The following BEND3 variants were observed in gnomAD, a reference collection of about 807,000 sequenced individuals.
The protein encoded by BEND3 is BEN domain containing 3, also known as BEN domain-containing protein 3.
Under a neutral mutation model 60.1 loss-of-function variants are expected in BEND3, and 13 were observed. The observed-to-expected ratio is 0.22, with a 90% CI of 0.14 to 0.34. The LOEUF is 0.34. Ranked by LOEUF, BEND3 falls within the 10% of genes least tolerant of loss-of-function variation. The pLI is 1.00. For synonymous variants in BEND3, 497 were observed against 491.5 expected (o/e 1.01, Z -0.15); for missense variants, 896 against 1,138.1 (o/e 0.79, Z 3.06).
intron 3 of BEND3, among the ~76,000 whole-genome samples, chr6:107,081,284 G>A (rs938300007): frequency 5.4e-5 from 8 of 149,046 alleles, no homozygotes; most frequent in African/African-American, 1.7e-4. Flanking sequence ...GCAGTGGCGC[G>A]ATCTCAGCTC....
intron 3 of BEND3, 144 bp downstream of exon 3, chr6:107,098,407 G>T: frequency 1.3e-6 from 1 of 788,222 alleles, no homozygotes; most frequent in Non-Finnish European, 2.0e-6. Context: ...AGAAACTGAA[G>T]CCAGAGATGG....
At position 107,069,625 on chromosome 6, in the gene BEND3, C is replaced by T. The variant is rs782030356; in HGVS notation, c.1566G>A (p.Pro522=). 19 of 1,611,084 alleles carry T rather than the reference C, an allele frequency of 1.2e-5. No individual in the cohort carries two copies. The highest frequency in any genetic ancestry group is 1.4e-5 in the Non-Finnish European group (17 of 1,180,008). ...KVEDSFEGER[P]GRRSKKIWLV... Reference sequence around the variant, plus strand: ...GCCAGATCTTCTTGGAGCGGCGACCCGGCCGCTCGCCCTCGAAGCTGTCCT... The same window carrying T: ...GCCAGATCTTCTTGGAGCGGCGACCTGGCCGCTCGCCCTCGAAGCTGTCCT... The change falls in exon 4 of 4, where the codon CCG becomes CCA. Residue 522 remains proline (P), a synonymous_variant. Coordinates refer to ENST00000369042, the MANE Select transcript of BEND3 (RefSeq NM_001367314.1).
Position 107,070,659 on chromosome 6 carries a change from C to T in BEND3, c.532G>A (p.Asp178Asn), listed in dbSNP as rs1380762773. ...LRLLNEPQKR[D>N]CGSTGAGTDN... Reference sequence around the variant, plus strand: ...GTGCCTGCCCCGGTGCTGCCACAGTCCCGCTTCTGTGGCTCATTCAGGAGC... The same window carrying T: ...GTGCCTGCCCCGGTGCTGCCACAGTTCCGCTTCTGTGGCTCATTCAGGAGC... Residue 178 changes from aspartate to asparagine, a missense_variant, in exon 4 of 4, where the codon GAC (aspartate) becomes AAC (asparagine). Around this residue, in one of 4 missense-constraint regions of BEND3, gnomAD observed 846 missense variants for 1,036.7 expected, o/e 0.82. Coordinates refer to ENST00000369042, the MANE Select transcript of BEND3 (RefSeq NM_001367314.1). The surrounding 1 kb of genome is among the most constrained non-coding windows in gnomAD (Gnocchi z 6.9). The T allele has an allele frequency of 6.2e-7, 1 of 1,612,540 alleles. No homozygotes were observed. Among genetic ancestry groups the T allele is most frequent in the Non-Finnish European group, 8.5e-7 (1 of 1,180,002 alleles).
At chr6:107,108,220 C>T (rs1562317853) in intron 1 of BEND3, among the ~76,000 whole-genome samples, 2 of 152,354 alleles carry the variant, frequency 1.3e-5, no homozygotes, top group East Asian at 3.9e-4. Context: ...CACAGCCGCA[C>T]AACCCTGCCC....
At position 107,069,286 on chromosome 6, in the gene BEND3, G is replaced by C; in HGVS notation, c.1905C>G (p.Phe635Leu). ...GGCAGCGCTCATCCAGTTTGCCCAC[G>C]AACTCCAGGGTCCAGACGCGGTCGT... ...AKNDRVWTLE[F>L]VGKLDERCRR... The change falls in exon 4 of 4, where the codon TTC becomes TTG. Residue 635 changes from phenylalanine to leucine, a missense_variant. Phe to Leu is a conservative substitution (Grantham distance 22). Coordinates refer to ENST00000369042, the MANE Select transcript of BEND3 (RefSeq NM_001367314.1). 2 of 1,612,500 alleles carry C rather than the reference G, an allele frequency of 1.2e-6. No homozygotes were observed. Among genetic ancestry groups the C allele is most frequent in the Non-Finnish European group, 1.7e-6 (2 of 1,179,480 alleles).
chr6:107,109,920 AC>A (rs1554238126), intron 1 of BEND3, among the ~76,000 whole-genome samples: 3 of 151,848 alleles, frequency 2.0e-5, no homozygotes, highest in African/African-American at 7.3e-5. Context: ...AGTTCCAGCC[AC>A]CTGGGAGGCT....
intron 3 of BEND3, among the ~76,000 whole-genome samples, chr6:107,076,651 G>T (rs1775107030): frequency 6.6e-6 from 1 of 152,090 alleles, no homozygotes; most frequent in Non-Finnish European, 1.5e-5. Flanking sequence ...TTCAATGAAT[G>T]AGTGGCTCAA....
At chr6:107,091,218 A>G (rs782070549) in intron 3 of BEND3, among the ~76,000 whole-genome samples, 20 of 152,188 alleles carry the variant, frequency 1.3e-4, no homozygotes, top group Non-Finnish European at 1.8e-4. Context: ...TATAATAGAA[A>G]AGATCTAAAA....
intron 3 of BEND3, among the ~76,000 whole-genome samples, chr6:107,097,159 G>A (rs1775602276): frequency 6.6e-6 from 1 of 152,088 alleles, no homozygotes; most frequent in South Asian, 2.1e-4. Flanking sequence ...CTGAGGTCAG[G>A]AGATTGAGAC....
At chr6:107,077,936 A>G (rs1775133818) in intron 3 of BEND3, among the ~76,000 whole-genome samples, 1 of 152,224 alleles carries the variant, frequency 6.6e-6, no homozygotes, top group Non-Finnish European at 1.5e-5. Flanking sequence ...ACTTAAAAAA[A>G]TAAACGAAAA....
intron 3 of BEND3, among the ~76,000 whole-genome samples, chr6:107,084,479 C>T (rs1050228957): frequency 6.7e-5 from 10 of 149,752 alleles, no homozygotes; most frequent in African/African-American, 2.0e-4. Flanking sequence ...TCTGTAAAAA[C>T]GCACCAATCA....
chr6:107,110,126 G>C (rs114179717), intron 1 of BEND3, among the ~76,000 whole-genome samples: 2,330 of 152,198 alleles, frequency 0.015, 70 homozygotes, highest in African/African-American at 0.052. Flanking sequence ...TTGAGCCTAG[G>C]AGTTCAAGAT....
intron 3 of BEND3, among the ~76,000 whole-genome samples, chr6:107,089,565 G>A (rs928538263): frequency 2.0e-5 from 3 of 147,526 alleles, no homozygotes; most frequent in Non-Finnish European, 4.5e-5. Context: ...CAGCCTGGGC[G>A]ACACAGCGAG....
intron 3 of BEND3, among the ~76,000 whole-genome samples, chr6:107,094,089 A>G (rs1775532278): frequency 6.6e-6 from 1 of 152,238 alleles, no homozygotes; most frequent in South Asian, 2.1e-4. Context: ...AAAATGGGCC[A>G]GCCAGGTGTG....
intron 1 of BEND3, among the ~76,000 whole-genome samples, chr6:107,103,600 A>G (rs1176784091): frequency 4.6e-5 from 7 of 152,202 alleles, no homozygotes; most frequent in African/African-American, 1.7e-4. Context: ...TTTCTCCCCA[A>G]GGGATGTCTG....
intron 2 of BEND3, 60 bp downstream of exon 2, chr6:107,099,187 GTA>G: frequency 2.2e-6 from 3 of 1,339,580 alleles, no homozygotes; most frequent in Non-Finnish European, 3.2e-6. Context: ...CCATGTGAAT[GTA>G]TGACCTGATC....
chr6:107,088,136 A>T (rs1352178462), intron 3 of BEND3, among the ~76,000 whole-genome samples: 1 of 151,952 alleles, frequency 6.6e-6, no homozygotes, highest in Non-Finnish European at 1.5e-5. Context: ...TCAGCCTCCT[A>T]AGTAGCTAGC....
At chr6:107,110,154 C>CAA (rs2115040106) in intron 1 of BEND3, among the ~76,000 whole-genome samples, 1 of 152,258 alleles carries the variant, frequency 6.6e-6, no homozygotes, top group South Asian at 2.1e-4. Context: ...GTCAACACAG[C>CAA]CAGACTCTGT....
At chr6:107,098,467 G>T in intron 3 of BEND3, 84 bp downstream of exon 3, 1 of 1,434,782 alleles carries the variant, frequency 7.0e-7, no homozygotes, top group Non-Finnish European at 9.6e-7. Context: ...CAGTTGCCAG[G>T]ATGCCCAAAA....
Sources: allele counts gnomAD v4.1 joint callset (sites outside exome capture counted in the v4.1 genomes callset), GRCh38; gene constraint gnomAD v4.1.1; regional missense constraint gnomAD v4.1.1; non-coding constraint Gnocchi (gnomAD v3.1); transcripts MANE v1.5; gene names NCBI Gene and HGNC (gene_info 2026-07-23, HGNC 2026-07-21).